The following SGCD variants were observed in gnomAD, a reference collection of about 807,000 sequenced individuals.
SGCD encodes the protein delta-sarcoglycan.
In SGCD, 18 loss-of-function variants were observed where a neutral mutation model predicts 36.6. That is an observed-to-expected ratio of 0.49 (90% CI 0.34 to 0.73). The LOEUF (loss-of-function observed/expected upper bound fraction) is 0.73. Ranked by LOEUF, SGCD falls within the 30% of genes least tolerant of loss-of-function variation. The pLI is 0.01. For missense variants in SGCD, 387 were observed against 346.7 expected (o/e 1.12, Z -0.92); for synonymous variants, 133 against 130.6 (o/e 1.02, Z -0.12).
intron 5 of SGCD, 41 bp from the exon 6 acceptor site, chr5:156,594,886 TCTCTC>T: frequency 3.9e-6 from 5 of 1,271,482 alleles, no homozygotes; most frequent in Non-Finnish European, 4.5e-6. Flanking sequence ...TCTCTCTCTC[TCTCTC>T]CTCTCTCCTC....
intron 3 of SGCD, among the ~76,000 whole-genome samples, chr5:156,203,443 G>C (rs370139726): frequency 6.6e-6 from 1 of 152,114 alleles, no homozygotes; most frequent in Non-Finnish European, 1.5e-5. Context: ...TAGGTTTTGA[G>C]ACATGTACTT....
intron 3 of SGCD, among the ~76,000 whole-genome samples, chr5:156,141,069 A>G (rs1762568519): frequency 6.6e-6 from 1 of 151,820 alleles, no homozygotes. Context: ...CTGTGACTCC[A>G]CTCCAGAAGG....
chr5:155,956,890 T>C (rs571430696), intron 1 of SGCD, among the ~76,000 whole-genome samples: 1 of 151,872 alleles, frequency 6.6e-6, no homozygotes, highest in East Asian at 2.0e-4. Context: ...AGGTCACATT[T>C]ATAGGTACCG....
intron 1 of SGCD, among the ~76,000 whole-genome samples, chr5:155,880,761 C>T (rs1470194148): frequency 6.6e-6 from 1 of 152,058 alleles, no homozygotes; most frequent in Non-Finnish European, 1.5e-5. Context: ...GCATTCTCAA[C>T]AGGAAGTTTT....
chr5:156,050,301 C>T (rs1313407409), intron 1 of SGCD, among the ~76,000 whole-genome samples: 1 of 146,722 alleles, frequency 6.8e-6, no homozygotes, highest in African/African-American at 2.5e-5. Context: ...TGAGGCAAGA[C>T]TCTCCACCAG....
intron 1 of SGCD, among the ~76,000 whole-genome samples, chr5:155,980,638 G>A (rs941517729): frequency 5.7e-4 from 52 of 91,134 alleles, no homozygotes; most frequent in Non-Finnish European, 9.5e-4. Context: ...AAAAAAAAAA[G>A]AGTTCTTACT....
At chr5:156,496,030 C>T (rs1277719922) in intron 3 of SGCD, among the ~76,000 whole-genome samples, 2 of 152,154 alleles carry the variant, frequency 1.3e-5, no homozygotes, top group Non-Finnish European at 2.9e-5. Flanking sequence ...AGCAAAACTA[C>T]AATTCACCCA....
chr5:156,697,846 C>A lies in SGCD; in HGVS notation c.575+50310C>A, dbSNP rs185283689. On this transcript the variant is annotated intron_variant, in intron 7 of 8. Coordinates refer to ENST00000337851, the MANE Select transcript of SGCD (RefSeq NM_000337.6). ...ACAGACTGACGGATACATGCATGAC[C>A]CACTCTCTAATATATAGTTTAGGAT... Among the ~76,000 whole-genome samples the A allele has an allele frequency of 4.6e-5, 7 of 152,098 alleles. No individual in the cohort carries two copies. The East Asian group carries it at 1.4e-3, about 29-fold the overall frequency.
intron 3 of SGCD, among the ~76,000 whole-genome samples, chr5:156,432,525 A>C (rs1054045866): frequency 3.5e-4 from 54 of 152,138 alleles, no homozygotes; most frequent in African/African-American, 1.2e-3. Flanking sequence ...AAAGCTCCCC[A>C]AGAGTTTATG....
the SGCD span, among the ~76,000 whole-genome samples, chr5:155,742,671 C>A: frequency 5.5e-4 from 84 of 152,280 alleles, 1 homozygote; most frequent in African/African-American, 1.8e-3. Context: ...ACCAAGCAAG[C>A]CATTCTCCAG....
chr5:156,519,101 A>G (rs887004049), intron 4 of SGCD, among the ~76,000 whole-genome samples: 2 of 151,962 alleles, frequency 1.3e-5, no homozygotes, highest in Non-Finnish European at 2.9e-5. Flanking sequence ...AGCTTGCTAG[A>G]CTAATAAGAG....
chr5:156,498,940 G>GTGTGTGTGTGTT (rs1756324510), intron 3 of SGCD, among the ~76,000 whole-genome samples: 1 of 109,328 alleles, frequency 9.1e-6, no homozygotes, highest in Non-Finnish European at 2.3e-5. Context: ...TGCTACGTGT[G>GTGTGTGTGTGTT]TGTGTGTGTG....
chr5:156,379,330 C>G (rs544450884), intron 3 of SGCD, among the ~76,000 whole-genome samples: 11 of 152,244 alleles, frequency 7.2e-5, no homozygotes, highest in African/African-American at 2.6e-4. Context: ...ACATAGGATA[C>G]TGAGTAAATA....
chr5:156,321,591 G>A lies in SGCD; in HGVS notation c.-43-7943G>A, dbSNP rs1444809820. ...TAACCCTACACAGCCATTCTGGTAA[G>A]ATGGAGGTGACCCTTTCTTTTTGCC... On this transcript the variant is annotated intron_variant, in intron 3 of 9. Transcript: ENST00000517913. Among the ~76,000 whole-genome samples the A allele has an allele frequency of 2.6e-5, 4 of 152,184 alleles. No homozygotes were observed. In the East Asian group the frequency reaches 7.7e-4, roughly 29 times the overall value.
intron 3 of SGCD, among the ~76,000 whole-genome samples, chr5:156,268,491 T>C (rs1766060813): frequency 6.6e-6 from 1 of 152,192 alleles, no homozygotes; most frequent in African/African-American, 2.4e-5. Flanking sequence ...CACCAGCATC[T>C]GTTATTTTTT....
At chr5:156,198,115 T>C (rs1169927453) in intron 3 of SGCD, among the ~76,000 whole-genome samples, 1 of 152,168 alleles carries the variant, frequency 6.6e-6, no homozygotes, top group Non-Finnish European at 1.5e-5. Flanking sequence ...GCCATCTATC[T>C]GTTCTTTTCT....
At chr5:155,737,106 A>C in the SGCD span, among the ~76,000 whole-genome samples, 6,395 of 152,276 alleles carry the variant, frequency 0.042, 272 homozygotes, top group African/African-American at 0.11. Flanking sequence ...TTGAATCCAG[A>C]CTTCCTTATT....
chr5:155,787,737 C>T, the SGCD span, among the ~76,000 whole-genome samples: 1 of 151,998 alleles, frequency 6.6e-6, no homozygotes, highest in Non-Finnish European at 1.5e-5. Context: ...GTTTTTATAG[C>T]TACATGGCAC....
chr5:156,191,416 A>G (rs1449241229), intron 3 of SGCD, among the ~76,000 whole-genome samples: 1 of 152,138 alleles, frequency 6.6e-6, no homozygotes, highest in African/African-American at 2.4e-5. Context: ...CTGTTCATTC[A>G]TTATGTGACA....
Sources: allele counts gnomAD v4.1 joint callset (sites outside exome capture counted in the v4.1 genomes callset), GRCh38; gene constraint gnomAD v4.1.1; transcripts MANE v1.5; gene names NCBI Gene and HGNC (gene_info 2026-07-23, HGNC 2026-07-21).